CCBE1: variants seen among roughly 807,000 people sequenced by gnomAD.
CCBE1 encodes the protein collagen and calcium binding EGF domains 1.
In CCBE1, 37 loss-of-function variants were observed where a neutral mutation model predicts 50.0. That is an observed-to-expected ratio of 0.74 (90% confidence interval 0.57 to 0.97). The LOEUF (loss-of-function observed/expected upper bound fraction) is 0.97, where lower values mean the gene tolerates loss of function less well. Among genes scored for constraint, CCBE1 ranks in the 50% least tolerant of loss-of-function variants. The probability of loss-of-function intolerance (pLI) is 0.00; values close to 1 mark genes in which losing one functional copy is unlikely to be tolerated. For missense variants in CCBE1, 538 were observed against 523.8 expected (o/e 1.03, Z -0.26); for synonymous variants, 234 against 203.7 (o/e 1.15, Z -1.27).
At chr18:59,550,561 G>A (rs62092907) in intron 2 of CCBE1, among the ~76,000 whole-genome samples, 15,734 of 152,098 alleles carry the variant, frequency 0.1, 1,116 homozygotes, top group East Asian at 0.34. Context: ...GTACTCATAG[G>A]TTCCCTCAGG....
chr18:59,597,073 C>G (rs2053362808), intron 2 of CCBE1, among the ~76,000 whole-genome samples: 1 of 152,196 alleles, frequency 6.6e-6, no homozygotes, highest in African/African-American at 2.4e-5. Context: ...CTGGCCAGGG[C>G]ACTAGGAATA....
chr18:59,481,311 A>T (rs1244976445), intron 2 of CCBE1, among the ~76,000 whole-genome samples: 3 of 144,512 alleles, frequency 2.1e-5, no homozygotes, highest in Non-Finnish European at 3.0e-5. Context: ...GACTTAAAAA[A>T]AGGAACAGAG....
chr18:59,570,551 G>A (rs770080994), intron 2 of CCBE1, among the ~76,000 whole-genome samples: 6 of 152,200 alleles, frequency 3.9e-5, no homozygotes, highest in Non-Finnish European at 5.9e-5. Context: ...GCTCCAGACA[G>A]CAGTGAGCAA....
chr18:59,471,706 T>C (rs1912043777), intron 3 of CCBE1, among the ~76,000 whole-genome samples: 1 of 152,196 alleles, frequency 6.6e-6, no homozygotes, highest in Non-Finnish European at 1.5e-5. Flanking sequence ...CCTGTGTCAG[T>C]TGCCAGCCTC....
chr18:59,582,021 T>G (rs573072689), intron 2 of CCBE1, among the ~76,000 whole-genome samples: 1 of 152,260 alleles, frequency 6.6e-6, no homozygotes, highest in African/African-American at 2.4e-5. Flanking sequence ...GGTTAGCACC[T>G]GACCCCTAAG....
At chr18:59,500,573 C>A (rs1913570512) in intron 2 of CCBE1, among the ~76,000 whole-genome samples, 2 of 152,180 alleles carry the variant, frequency 1.3e-5, no homozygotes, top group African/African-American at 4.8e-5. Flanking sequence ...CCAAAGTCCC[C>A]ATGGCACCTT....
chr18:59,485,734 C>A (rs1912789983), intron 2 of CCBE1, among the ~76,000 whole-genome samples: 1 of 151,916 alleles, frequency 6.6e-6, no homozygotes, highest in Non-Finnish European at 1.5e-5. Flanking sequence ...CATCAGTATC[C>A]TGAGTAGCTG....
At chr18:59,547,432 T>C (rs1031165998) in intron 2 of CCBE1, among the ~76,000 whole-genome samples, 6 of 152,130 alleles carry the variant, frequency 3.9e-5, no homozygotes, top group Admixed American at 3.9e-4. Flanking sequence ...CAACTAGCAG[T>C]TGACATGTCC....
chr18:59,509,872 G>A (rs762054628), intron 2 of CCBE1, among the ~76,000 whole-genome samples: 11 of 152,104 alleles, frequency 7.2e-5, no homozygotes, highest in East Asian at 1.9e-4. Flanking sequence ...CTATTTAAGC[G>A]ACCCAACATG....
At chr18:59,663,553 T>C (rs2054314471) in intron 2 of CCBE1, among the ~76,000 whole-genome samples, 1 of 152,090 alleles carries the variant, frequency 6.6e-6, no homozygotes, top group South Asian at 2.1e-4. Flanking sequence ...GATGTAGTTA[T>C]GGATTGATGT....
In CCBE1 at chr18:59,697,286, G is replaced by C; in HGVS notation, c.57C>G (p.Ser19Arg). ...CCAGGAGCAGCAGCAGCGGACCCAG[G>C]CTCCTGCCCAGCTGGCCCCTGGCAG... ...GGAARGQLGR[S>R]LGPLLLLLAL... Residue 19 changes from serine (S) to arginine (R), a missense_variant, in exon 1 of 11, where the codon AGC becomes AGG. Physicochemically the swap from Ser to Arg is moderately radical, Grantham distance 110 (BLOSUM62 -1). Transcript: ENST00000439986. 1 of 1,549,184 alleles carries C rather than the reference G, an allele frequency of 6.5e-7. No homozygotes were observed.
chr18:59,508,092 C>T (rs1039346796), intron 2 of CCBE1, among the ~76,000 whole-genome samples: 37 of 151,726 alleles, frequency 2.4e-4, no homozygotes, highest in Admixed American at 2.2e-3. Flanking sequence ...GGGGTTTCAC[C>T]GTGTCGGCCA....
intron 7 of CCBE1, among the ~76,000 whole-genome samples, chr18:59,446,810 G>A (rs890746744): frequency 6.6e-6 from 1 of 152,134 alleles, no homozygotes; most frequent in Non-Finnish European, 1.5e-5. Flanking sequence ...GGGCATGTGG[G>A]TACTGTTTTA....
intron 2 of CCBE1, among the ~76,000 whole-genome samples, chr18:59,673,079 G>A (rs900362516): frequency 1.3e-5 from 2 of 152,160 alleles, no homozygotes; most frequent in African/African-American, 4.8e-5. Flanking sequence ...CTCCACCGCT[G>A]GTAAGTTATG....
chr18:59,622,662 G>A lies in CCBE1; in HGVS notation c.212+73967C>T, dbSNP rs184445735. On this transcript the variant is annotated intron_variant, in intron 2 of 10. Coordinates refer to ENST00000439986, the MANE Select transcript of CCBE1 (RefSeq NM_133459.4). ...CTAAAAATACAAAATGTAGCTGGGC[G>A]TGGTGGCATGCGCCTATAATCCCAG... Among the ~76,000 whole-genome samples the A allele has an allele frequency of 6.8e-4, 103 of 151,524 alleles. No individual in the cohort carries two copies. The East Asian group carries it at 0.018, about 27-fold the overall frequency.
At chr18:59,549,116 A>G (rs908789949) in intron 2 of CCBE1, among the ~76,000 whole-genome samples, 19 of 151,834 alleles carry the variant, frequency 1.3e-4, no homozygotes, top group Admixed American at 1.1e-3. Context: ...AAAAAAAAAA[A>G]AAAAATTCAC....
At chr18:59,550,716 A>G (rs575890659) in intron 2 of CCBE1, among the ~76,000 whole-genome samples, 137 of 152,026 alleles carry the variant, frequency 9.0e-4, no homozygotes, top group Admixed American at 2.5e-3. Flanking sequence ...ACATTTTCCA[A>G]CTCATGGAGA....
chr18:59,605,843 G>A (rs756561424), intron 2 of CCBE1, among the ~76,000 whole-genome samples: 1 of 152,166 alleles, frequency 6.6e-6, no homozygotes, highest in Non-Finnish European at 1.5e-5. Flanking sequence ...GGGTGGCCTT[G>A]GGATAAGCTA....
At chr18:59,604,695 A>G (rs2053474157) in intron 2 of CCBE1, among the ~76,000 whole-genome samples, 1 of 152,372 alleles carries the variant, frequency 6.6e-6, no homozygotes, top group East Asian at 1.9e-4. Context: ...CATTTGTTTC[A>G]ATGTCCAATT....
Sources: allele counts gnomAD v4.1 joint callset (sites outside exome capture counted in the v4.1 genomes callset), GRCh38; gene constraint gnomAD v4.1.1; transcripts MANE v1.5; gene names NCBI Gene and HGNC (gene_info 2026-07-23, HGNC 2026-07-21).